The following SGCG variants were observed in gnomAD, a reference collection of about 807,000 sequenced individuals.
SGCG encodes the protein gamma-sarcoglycan.
A neutral mutation model predicts 29.3 loss-of-function variants in SGCG; 26 were observed. The observed-to-expected ratio is 0.89, with a 90% confidence interval of 0.65 to 1.23. The LOEUF is 1.23. Ranked by LOEUF, SGCG falls within the 50% of genes most tolerant of loss-of-function variation. SGCG has a pLI of 0.00. For missense variants in SGCG, 353 were observed against 356.0 expected (o/e 0.99, Z 0.07); for synonymous variants, 145 against 129.7 (o/e 1.12, Z -0.80).
At chr13:23,172,432 A>G in the SGCG span, among the ~76,000 whole-genome samples, 5 of 152,236 alleles carry the variant, frequency 3.3e-5, no homozygotes, top group South Asian at 6.2e-4. Flanking sequence ...TACAAATATT[A>G]GAAAATTTAA....
At chr13:23,211,242 C>A (rs935308740) in intron 2 of SGCG, among the ~76,000 whole-genome samples, 1 of 152,092 alleles carries the variant, frequency 6.6e-6, no homozygotes, top group Admixed American at 6.5e-5. Flanking sequence ...ACCAGAAATC[C>A]GTGGGTAAGT....
intron 6 of SGCG, among the ~76,000 whole-genome samples, chr13:23,317,866 G>T (rs1882881541): frequency 6.6e-6 from 1 of 152,126 alleles, no homozygotes; most frequent in African/African-American, 2.4e-5. Context: ...ACAAAGTATT[G>T]GTCCTGGGTG....
chr13:23,274,395 CTTTTTT>C (rs869153381), intron 4 of SGCG, among the ~76,000 whole-genome samples: 3,244 of 85,028 alleles, frequency 0.038, 123 homozygotes, highest in African/African-American at 0.14. Context: ...CTTTCTTTCT[CTTTTTT>C]TTTTTTTTTT....
intron 4 of SGCG, among the ~76,000 whole-genome samples, chr13:23,261,838 A>G (rs1880449313): frequency 6.6e-6 from 1 of 152,124 alleles, no homozygotes; most frequent in African/African-American, 2.4e-5. Flanking sequence ...GTCAGAAAGG[A>G]TTGGGGTACT....
At chr13:23,299,584 C>T (rs905999711) in intron 6 of SGCG, among the ~76,000 whole-genome samples, 1 of 149,846 alleles carries the variant, frequency 6.7e-6, no homozygotes, top group African/African-American at 2.5e-5. Context: ...TCCTGAGTAG[C>T]TGAGATGACA....
chr13:23,196,622 T>C (rs991209609), intron 1 of SGCG, among the ~76,000 whole-genome samples: 3 of 152,020 alleles, frequency 2.0e-5, no homozygotes, highest in African/African-American at 7.2e-5. Context: ...ATTGGATTTT[T>C]TTCTGTTTTT....
intron 3 of SGCG, chr13:23,243,972 T>C (rs1879604640): frequency 6.6e-6 from 1 of 152,086 alleles, no homozygotes; most frequent in South Asian, 2.1e-4. Flanking sequence ...ACAAAGCTAG[T>C]TGGAGAATTT....
In SGCG at chr13:23,324,615, G is replaced by A. The variant is rs1883166935; in HGVS notation, c.*74G>A. ...CACACCCAGGGAGCAGCTGCACATCGTGAAAGACTGAGGCAGCGTGGATGG... is the reference window on the plus strand; with the variant it reads ...CACACCCAGGGAGCAGCTGCACATCATGAAAGACTGAGGCAGCGTGGATGG... On this transcript the variant is annotated 3_prime_UTR_variant, in exon 8 of 8. Coordinates refer to ENST00000218867, the MANE Select transcript of SGCG (RefSeq NM_000231.3). 9.7e-6 allele frequency: 13 copies of A among 1,342,876 alleles called. No individual in the cohort carries two copies. Among genetic ancestry groups the A allele is most frequent in the Non-Finnish European group, 1.3e-5 (12 of 949,312 alleles). 83.2% of individuals were successfully genotyped at this position (1,342,876 alleles called of 1,614,324 possible).
intron 3 of SGCG, among the ~76,000 whole-genome samples, chr13:23,248,712 G>C (rs1419663922): frequency 5.4e-5 from 8 of 147,206 alleles, no homozygotes; most frequent in Non-Finnish European, 9.0e-5. Context: ...AAAAAAAAAG[G>C]CCGGGTTCGG....
chr13:23,209,273 C>T (rs1371592438), intron 2 of SGCG, among the ~76,000 whole-genome samples: 1 of 152,044 alleles, frequency 6.6e-6, no homozygotes, highest in Non-Finnish European at 1.5e-5. Flanking sequence ...GTAGATCTAT[C>T]CTTAACAAGG....
intron 1 of SGCG, among the ~76,000 whole-genome samples, chr13:23,189,942 G>C (rs1259294836): frequency 6.6e-6 from 1 of 152,152 alleles, no homozygotes; most frequent in African/African-American, 2.4e-5. Context: ...TGCTCAAAGG[G>C]TTGTGTCAAA....
intron 3 of SGCG, among the ~76,000 whole-genome samples, chr13:23,242,078 G>A (rs1413776285): frequency 6.6e-6 from 1 of 152,188 alleles, no homozygotes; most frequent in Non-Finnish European, 1.5e-5. Context: ...CAATATCAGT[G>A]ATGGTAGAAG....
At chr13:23,320,549 T>A in intron 6 of SGCG, 88 bp from the exon 7 acceptor site, 2 of 1,131,870 alleles carry the variant, frequency 1.8e-6, no homozygotes, top group Non-Finnish European at 1.3e-6. Flanking sequence ...TTACTAGTTA[T>A]ATTTCCCATG....
chr13:23,320,825 G>T lies in SGCG; in HGVS notation c.702+65G>T, dbSNP rs142278740. 1.1e-5 allele frequency: 17 copies of T among 1,504,894 alleles called. No individual in the cohort carries two copies. The African/African-American group carries it at 2.3e-4, about 21-fold the overall frequency. 93.2% of individuals were successfully genotyped at this position (1,504,894 alleles called of 1,614,324 possible). ...GATGATATTCCTGAGTACCATGTCT[G>T]TAAAGCTATCAGTATTAAATTTCTA... On this transcript the variant is annotated intron_variant, in intron 7 of 7. Transcript: ENST00000218867.
At chr13:23,312,250 A>C (rs977287981) in intron 6 of SGCG, among the ~76,000 whole-genome samples, 3 of 152,232 alleles carry the variant, frequency 2.0e-5, no homozygotes, top group Admixed American at 2.0e-4. Context: ...AGCTGTGGAA[A>C]TTCAACACAG....
intron 3 of SGCG, among the ~76,000 whole-genome samples, chr13:23,248,214 T>A (rs934313623): frequency 4.0e-5 from 6 of 151,896 alleles, no homozygotes; most frequent in Non-Finnish European, 7.4e-5. Context: ...CAAAAAAAAA[T>A]TTTTTTAATT....
intron 2 of SGCG, among the ~76,000 whole-genome samples, chr13:23,226,428 C>CA (rs34211778): frequency 0.15 from 21,118 of 143,130 alleles, 1,562 homozygotes; most frequent in East Asian, 0.29. Flanking sequence ...AGGCTGAGAG[C>CA]AAAAAAAAAA....
intron 4 of SGCG, among the ~76,000 whole-genome samples, chr13:23,276,173 C>A (rs1204451437): frequency 1.3e-5 from 2 of 151,758 alleles, no homozygotes; most frequent in Admixed American, 1.3e-4. Flanking sequence ...TAATCAATGT[C>A]CAACTAGGTT....
intron 5 of SGCG, among the ~76,000 whole-genome samples, chr13:23,284,012 AC>A (rs1881404974): frequency 6.6e-6 from 1 of 152,126 alleles, no homozygotes; most frequent in African/African-American, 2.4e-5. Context: ...AGGTAACCCG[AC>A]CTTTCTCTCT....
Sources: gnomAD v4.1 joint callset for allele counts (sites outside exome capture counted in the v4.1 genomes callset) on GRCh38, gnomAD v4.1.1 for gene constraint, MANE v1.5 for transcripts, NCBI Gene and HGNC (gene_info 2026-07-23, HGNC 2026-07-21) for gene names.